Variants in PKIB observed in about 807,000 individuals in gnomAD.
The protein encoded by PKIB is cAMP-dependent protein kinase inhibitor beta.
Under a neutral mutation model 4.5 loss-of-function variants are expected in PKIB, and 2 were observed. The ratio of observed to expected loss-of-function variants is 0.44; its 90% CI spans 0.18 to 1.39. PKIB has a LOEUF of 1.39. PKIB is among the 40% of genes most tolerant of loss of function. PKIB has a pLI of 0.27. For synonymous variants in PKIB, 38 were observed against 36.0 expected (o/e 1.06, Z -0.20); for missense variants, 94 against 92.6 (o/e 1.02, Z -0.06).
chr6:122,500,240 G>GGA (rs1554215231), intron 2 of PKIB, among the ~76,000 whole-genome samples: 1 of 151,826 alleles, frequency 6.6e-6, no homozygotes, highest in Non-Finnish European at 1.5e-5. Context: ...AAAATAGTGG[G>GGA]AAAAAAGTAC....
intron 2 of PKIB, among the ~76,000 whole-genome samples, chr6:122,577,737 G>A (rs577009841): frequency 9.4e-4 from 142 of 151,796 alleles, no homozygotes; most frequent in African/African-American, 2.9e-3. Context: ...GTGAAACCCC[G>A]TCTCTACTAA....
intron 2 of PKIB, among the ~76,000 whole-genome samples, chr6:122,672,412 T>A (rs148594220): frequency 6.6e-6 from 1 of 152,242 alleles, no homozygotes; most frequent in Non-Finnish European, 1.5e-5. Context: ...AATGTGCATG[T>A]GTTTCTACTG....
chr6:122,573,375 A>G (rs1333103424), intron 2 of PKIB, among the ~76,000 whole-genome samples: 4 of 151,950 alleles, frequency 2.6e-5, no homozygotes, highest in Non-Finnish European at 5.9e-5. Flanking sequence ...AAAAAATACA[A>G]AAATTCGCTG....
chr6:122,491,391 T>C (rs1210066725), intron 2 of PKIB, among the ~76,000 whole-genome samples: 1 of 152,132 alleles, frequency 6.6e-6, no homozygotes, highest in African/African-American at 2.4e-5. Flanking sequence ...ATTCCTGAGA[T>C]CTTTTTGGGA....
intron 2 of PKIB, among the ~76,000 whole-genome samples, chr6:122,519,795 A>G (rs1479433231): frequency 2.0e-5 from 3 of 152,336 alleles, no homozygotes; most frequent in African/African-American, 4.8e-5. Flanking sequence ...GTTGTCCTCA[A>G]AAACACTTTT....
intron 3 of PKIB, among the ~76,000 whole-genome samples, chr6:122,596,404 T>G (rs1335459454): frequency 2.0e-5 from 3 of 152,224 alleles, no homozygotes; most frequent in African/African-American, 4.8e-5. Flanking sequence ...CTTCCTCATG[T>G]AACTTACTTG....
chr6:122,573,370 A>G (rs1205863160), intron 2 of PKIB, among the ~76,000 whole-genome samples: 1 of 152,052 alleles, frequency 6.6e-6, no homozygotes, highest in Non-Finnish European at 1.5e-5. Flanking sequence ...TCTACAAAAA[A>G]TACAAAAATT....
chr6:122,565,283 A>G (rs1773153088), intron 2 of PKIB, among the ~76,000 whole-genome samples: 1 of 152,180 alleles, frequency 6.6e-6, no homozygotes, highest in Non-Finnish European at 1.5e-5. Flanking sequence ...CCTGGAGATC[A>G]TATCATAGCT....
chr6:122,483,007 C>A (rs1025357041), intron 2 of PKIB: 4 of 151,854 alleles, frequency 2.6e-5, no homozygotes, highest in Non-Finnish European at 4.4e-5. Context: ...TTTATCGTTT[C>A]CTTTAGACCA....
chr6:122,618,092 A>G (rs1351953571), intron 1 of PKIB, among the ~76,000 whole-genome samples: 1 of 152,170 alleles, frequency 6.6e-6, no homozygotes, highest in East Asian at 1.9e-4. Context: ...GATAGGAAAC[A>G]CTTTCTAGTT....
At chr6:122,693,969 A>G (rs914763548) in intron 3 of PKIB, among the ~76,000 whole-genome samples, 3 of 152,194 alleles carry the variant, frequency 2.0e-5, no homozygotes, top group African/African-American at 7.2e-5. Context: ...TAAATTTTTA[A>G]TTTACTACAA....
intron 3 of PKIB, among the ~76,000 whole-genome samples, chr6:122,601,270 C>T (rs1221077969): frequency 1.3e-5 from 2 of 151,686 alleles, no homozygotes; most frequent in Non-Finnish European, 1.5e-5. Context: ...GTTTCCAACC[C>T]AAGAAAGTCA....
intron 2 of PKIB, among the ~76,000 whole-genome samples, chr6:122,512,644 CCACTGG>C (rs936331548): frequency 2.0e-5 from 3 of 152,164 alleles, no homozygotes; most frequent in African/African-American, 7.2e-5. Context: ...CCTTCACCTA[CCACTGG>C]CTTTGGTATC....
chr6:122,604,305 G>T (rs1451632143), intron 3 of PKIB, among the ~76,000 whole-genome samples: 2 of 152,110 alleles, frequency 1.3e-5, no homozygotes, highest in Non-Finnish European at 2.9e-5. Context: ...ACACATGGAG[G>T]AAAGTCTGTA....
intron 2 of PKIB, chr6:122,652,832 C>T (rs1218391489): frequency 6.6e-6 from 1 of 152,204 alleles, no homozygotes; most frequent in Non-Finnish European, 1.5e-5. Context: ...ACAAAATGCT[C>T]CTTGGTAGCA....
At chr6:122,624,744 C>A (rs1229131089) in intron 1 of PKIB, among the ~76,000 whole-genome samples, 3 of 152,008 alleles carry the variant, frequency 2.0e-5, no homozygotes, top group East Asian at 1.9e-4. Flanking sequence ...AATTTGAATC[C>A]CAGCTCTGGG....
At chr6:122,591,519 G>A (rs567832454) in intron 3 of PKIB, among the ~76,000 whole-genome samples, 12 of 151,854 alleles carry the variant, frequency 7.9e-5, no homozygotes, top group African/African-American at 1.2e-4. Flanking sequence ...TTCTCTTATC[G>A]TTTTCATTCA....
intron 1 of PKIB, among the ~76,000 whole-genome samples, chr6:122,630,334 T>G (rs1775645036): frequency 6.6e-6 from 1 of 152,172 alleles, no homozygotes; most frequent in South Asian, 2.1e-4. Context: ...ATCAGAGTAT[T>G]TTTATTTAAG....
chr6:122,703,704 T>C (rs1778924609), intron 3 of PKIB, among the ~76,000 whole-genome samples: 1 of 151,664 alleles, frequency 6.6e-6, no homozygotes, highest in Non-Finnish European at 1.5e-5. Context: ...CTAATACACT[T>C]ATGATGCAGG....
Sources: allele counts gnomAD v4.1 joint callset (sites outside exome capture counted in the v4.1 genomes callset), GRCh38; gene constraint gnomAD v4.1.1; transcripts MANE v1.5; gene names NCBI Gene and HGNC (gene_info 2026-07-23, HGNC 2026-07-21).